The following SDCCAG8 variants were observed in gnomAD, a reference collection of about 807,000 sequenced individuals.
SDCCAG8 encodes the protein serologically defined colon cancer antigen 8.
Under a neutral mutation model 101.8 loss-of-function variants are expected in SDCCAG8, and 74 were observed. The ratio of observed to expected loss-of-function variants is 0.73; its 90% CI spans 0.60 to 0.88. The LOEUF (loss-of-function observed/expected upper bound fraction) is 0.88, where lower values mean the gene tolerates loss of function less well. Ranked by LOEUF, SDCCAG8 falls within the 40% of genes least tolerant of loss-of-function variation. SDCCAG8 has a pLI of 0.00. For synonymous variants in SDCCAG8, 281 were observed against 292.9 expected (o/e 0.96, Z 0.41); for missense variants, 787 against 822.6 (o/e 0.96, Z 0.53).
At chr1:243,303,476 C>G (rs1008094223) in intron 6 of SDCCAG8, among the ~76,000 whole-genome samples, 5 of 152,156 alleles carry the variant, frequency 3.3e-5, no homozygotes, top group Admixed American at 6.5e-5. Context: ...TCTCTTCTGC[C>G]TCTGCCATCC....
chr1:243,283,313 C>T (rs890274191), intron 4 of SDCCAG8, among the ~76,000 whole-genome samples: 2 of 151,292 alleles, frequency 1.3e-5, no homozygotes, highest in Admixed American at 1.3e-4. Flanking sequence ...TGGTTTGGTG[C>T]CTGTCATTAA....
Position 243,384,027 on chromosome 1 carries a change from G to A in SDCCAG8, c.1616+5164G>A, listed in dbSNP as rs58825730. ...CCATTGATTCTTGTCAGAAAGGAGC[G>A]CTTCTCCCCTTGAATCCTTCTTCCC... On this transcript the variant is annotated intron_variant, in intron 13 of 17. Coordinates refer to ENST00000366541, the MANE Select transcript of SDCCAG8 (RefSeq NM_006642.5). Among the ~76,000 whole-genome samples, 1,416 of 152,154 alleles carry A rather than the reference G, an allele frequency of 9.3e-3. 26 individuals are homozygous for A. Among genetic ancestry groups the A allele is most frequent in the African/African-American group, 0.033 (1,355 of 41,492 alleles).
intron 13 of SDCCAG8, among the ~76,000 whole-genome samples, chr1:243,384,838 G>A (rs559957181): frequency 5.9e-4 from 90 of 152,240 alleles, no homozygotes; most frequent in African/African-American, 1.9e-3. Context: ...CACTAAACAC[G>A]TCTAGCCTAG....
At chr1:243,351,515 G>A (rs1168668067) in intron 12 of SDCCAG8, among the ~76,000 whole-genome samples, 1 of 152,166 alleles carries the variant, frequency 6.6e-6, no homozygotes, top group Non-Finnish European at 1.5e-5. Flanking sequence ...CCCATGAGAG[G>A]GAGAATCTGG....
intron 16 of SDCCAG8, among the ~76,000 whole-genome samples, chr1:243,436,207 G>C (rs1029897756): frequency 7.0e-6 from 1 of 143,758 alleles, no homozygotes; most frequent in African/African-American, 2.6e-5. Flanking sequence ...GGTTTTTTGT[G>C]AAGAGCAAAA....
chr1:243,477,797 G>A (rs1662721905), intron 16 of SDCCAG8, among the ~76,000 whole-genome samples: 2 of 152,216 alleles, frequency 1.3e-5, no homozygotes, highest in Non-Finnish European at 2.9e-5. Flanking sequence ...GGTCTTCCAA[G>A]CTTCTGGCCT....
intron 15 of SDCCAG8, among the ~76,000 whole-genome samples, chr1:243,421,246 T>C (rs1243313426): frequency 1.3e-5 from 2 of 152,240 alleles, no homozygotes; most frequent in African/African-American, 4.8e-5. Flanking sequence ...TTTTTCAAAA[T>C]ACCAACTAAA....
chr1:243,410,067 G>A (rs1240365463), intron 13 of SDCCAG8, among the ~76,000 whole-genome samples: 1 of 152,120 alleles, frequency 6.6e-6, no homozygotes, highest in Non-Finnish European at 1.5e-5. Flanking sequence ...CAGTAGAGAG[G>A]CCTGGGACAG....
At chr1:243,482,808 T>C (rs1328723940) in intron 16 of SDCCAG8, among the ~76,000 whole-genome samples, 1 of 152,148 alleles carries the variant, frequency 6.6e-6, no homozygotes, top group Non-Finnish European at 1.5e-5. Context: ...CTGGGGGCCC[T>C]GGATGCAATC....
At chr1:243,278,631 A>AGAAT (rs1302658510) in intron 4 of SDCCAG8, among the ~76,000 whole-genome samples, 1 of 152,222 alleles carries the variant, frequency 6.6e-6, no homozygotes, top group East Asian at 1.9e-4. Context: ...TGTATTCTGC[A>AGAAT]ACCTTGGTAT....
chr1:243,499,587 T>C, intron 17 of SDCCAG8, 169 bp from the exon 18 acceptor site: 1 of 668,234 alleles, frequency 1.5e-6, no homozygotes, highest in Non-Finnish European at 2.7e-6. Context: ...GGCTTTGATG[T>C]GGACAAGATG....
chr1:243,284,198 G>A (rs1176121738), intron 4 of SDCCAG8, among the ~76,000 whole-genome samples: 1 of 152,124 alleles, frequency 6.6e-6, no homozygotes, highest in Non-Finnish European at 1.5e-5. Flanking sequence ...TGACATATTT[G>A]GTAAAAGGAA....
In SDCCAG8 at chr1:243,316,947, T is replaced by C. The variant is rs980428411; in HGVS notation, c.1068+54T>C. ...GTCTTTCTTTTTTTTTTCTTTTTTC[T>C]TCTGAGTATTTATTTGGTTATTCTT... On this transcript the variant is annotated intron_variant, in intron 9 of 17. Transcript: ENST00000366541. 2.6e-6 allele frequency: 4 copies of C among 1,558,324 alleles called. No individual in the cohort carries two copies. The African/African-American group carries it at 4.1e-5, about 16-fold the overall frequency.
chr1:243,485,417 G>A (rs1315584878), intron 16 of SDCCAG8, among the ~76,000 whole-genome samples: 1 of 152,182 alleles, frequency 6.6e-6, no homozygotes. Flanking sequence ...ATTTGAAACT[G>A]TGGGTGGATG....
intron 12 of SDCCAG8, among the ~76,000 whole-genome samples, chr1:243,353,813 G>A (rs944127967): frequency 3.3e-5 from 5 of 152,104 alleles, no homozygotes; most frequent in Admixed American, 1.3e-4. Flanking sequence ...TCATGGTATC[G>A]TTTGGGAATG....
At chr1:243,261,097 G>A (rs2067159952) in intron 1 of SDCCAG8, among the ~76,000 whole-genome samples, 1 of 152,142 alleles carries the variant, frequency 6.6e-6, no homozygotes, top group African/African-American at 2.4e-5. Context: ...AAATGATGAG[G>A]CTTATGGCCA....
intron 16 of SDCCAG8, among the ~76,000 whole-genome samples, chr1:243,449,021 A>G (rs1017845486): frequency 7.2e-5 from 11 of 152,190 alleles, no homozygotes; most frequent in African/African-American, 2.7e-4. Flanking sequence ...TACTCACTAT[A>G]TGTGTGTCTA....
At chr1:243,468,190 C>G (rs768443193) in intron 16 of SDCCAG8, among the ~76,000 whole-genome samples, 11 of 151,504 alleles carry the variant, frequency 7.3e-5, no homozygotes, top group African/African-American at 2.4e-5. Flanking sequence ...AAATGAGGAT[C>G]ATAATATTAT....
intron 6 of SDCCAG8, among the ~76,000 whole-genome samples, chr1:243,296,635 C>A (rs1439640628): frequency 2.0e-5 from 3 of 148,562 alleles, no homozygotes; most frequent in Non-Finnish European, 4.4e-5. Context: ...CTCCGCCTTC[C>A]GGGTTCACGC....
Sources: allele counts gnomAD v4.1 joint callset (sites outside exome capture counted in the v4.1 genomes callset), GRCh38; gene constraint gnomAD v4.1.1; transcripts MANE v1.5; gene names NCBI Gene and HGNC (gene_info 2026-07-23, HGNC 2026-07-21).